The following RCBTB1 variants were observed in gnomAD, a reference collection of about 807,000 sequenced individuals.
RCBTB1 encodes the protein RCC1 and BTB domain containing protein 1.
A neutral mutation model predicts 62.4 loss-of-function variants in RCBTB1; 46 were observed. The observed-to-expected ratio is 0.74, with a 90% confidence interval of 0.58 to 0.94. The LOEUF is 0.94. Among genes scored for constraint, RCBTB1 ranks in the 40% least tolerant of loss-of-function variants. The pLI is 0.00. For synonymous variants in RCBTB1, 222 were observed against 245.8 expected (o/e 0.90, Z 0.91); for missense variants, 565 against 654.9 (o/e 0.86, Z 1.50).
intron 2 of RCBTB1, among the ~76,000 whole-genome samples, chr13:49,577,369 A>G (rs762662633): frequency 6.6e-6 from 1 of 152,248 alleles, no homozygotes; most frequent in Non-Finnish European, 1.5e-5. Context: ...AGATTTTAAA[A>G]ACAACAGGAA....
intron 4 of RCBTB1, 140 bp downstream of exon 4, chr13:49,566,478 C>T: frequency 1.3e-6 from 1 of 788,630 alleles, no homozygotes; most frequent in Non-Finnish European, 1.9e-6. Flanking sequence ...TAACTTTCAC[C>T]TGCTTTATGT....
At chr13:49,566,508 G>A in intron 4 of RCBTB1, 110 bp downstream of exon 4, 1 of 1,065,070 alleles carries the variant, frequency 9.4e-7, no homozygotes, top group Non-Finnish European at 1.3e-6. Flanking sequence ...CAGAAATTAA[G>A]AAGCAAACAA....
chr13:49,539,533 G>A (rs894087573), intron 12 of RCBTB1: 4 of 152,192 alleles, frequency 2.6e-5, no homozygotes, highest in African/African-American at 7.2e-5. Flanking sequence ...CTGATCCTGA[G>A]TATGGAACTC....
At chr13:49,575,434 CA>C (rs34972735) in intron 2 of RCBTB1, among the ~76,000 whole-genome samples, 14,737 of 141,176 alleles carry the variant, frequency 0.1, 860 homozygotes, top group African/African-American at 0.18. Context: ...ATTGTTCTAC[CA>C]AAAAAAAAAA....
intron 5 of RCBTB1, among the ~76,000 whole-genome samples, chr13:49,557,862 G>C (rs1962069595): frequency 6.6e-6 from 1 of 152,106 alleles, no homozygotes; most frequent in African/African-American, 2.4e-5. Flanking sequence ...CTCCCACAAG[G>C]TTTTTAGCTA....
intron 5 of RCBTB1, among the ~76,000 whole-genome samples, chr13:49,557,976 T>A (rs1962078498): frequency 6.6e-6 from 1 of 152,138 alleles, no homozygotes; most frequent in Non-Finnish European, 1.5e-5. Context: ...CAAACATCCA[T>A]GAACAGATGA....
intron 2 of RCBTB1, among the ~76,000 whole-genome samples, chr13:49,579,751 A>T (rs1413055972): frequency 6.6e-6 from 1 of 152,202 alleles, no homozygotes; most frequent in Non-Finnish European, 1.5e-5. Flanking sequence ...TGTACAGGTG[A>T]GTGAAGATAA....
chr13:49,577,894 T>A (rs1963878006), intron 2 of RCBTB1, among the ~76,000 whole-genome samples: 1 of 152,234 alleles, frequency 6.6e-6, no homozygotes, highest in Non-Finnish European at 1.5e-5. Flanking sequence ...ATTAAAGCAT[T>A]TACACATACA....
chr13:49,546,241 T>C (rs755368102), intron 9 of RCBTB1: 8 of 985,334 alleles, frequency 8.1e-6, no homozygotes, highest in Non-Finnish European at 8.4e-6. Context: ...ACAAGTATAG[T>C]ACATCCTTTC....
chr13:49,538,931 G>A, intron 12 of RCBTB1, among the ~76,000 whole-genome samples: 1 of 150,170 alleles, frequency 6.7e-6, no homozygotes, highest in African/African-American at 2.5e-5. Context: ...TGTTGCCCAG[G>A]CTGGAGTGCA....
chr13:49,568,128 G>T (rs1196180202), intron 2 of RCBTB1, among the ~76,000 whole-genome samples: 2 of 152,188 alleles, frequency 1.3e-5, no homozygotes, highest in Non-Finnish European at 2.9e-5. Context: ...ATGCATAGGT[G>T]TATGTGTATC....
At chr13:49,560,143 T>C (rs1236007887) in intron 4 of RCBTB1, 59 bp from the exon 5 acceptor site, 5 of 1,573,602 alleles carry the variant, frequency 3.2e-6, no homozygotes, top group African/African-American at 1.4e-5. Context: ...CCCTGTACTT[T>C]CTTCCCCAGA....
At chr13:49,578,193 C>A (rs1329649011) in intron 2 of RCBTB1, among the ~76,000 whole-genome samples, 1 of 152,170 alleles carries the variant, frequency 6.6e-6, no homozygotes, top group East Asian at 1.9e-4. Flanking sequence ...TTGCACATAA[C>A]CTACACACAT....
intron 2 of RCBTB1, among the ~76,000 whole-genome samples, chr13:49,569,940 A>G (rs1024936627): frequency 5.3e-5 from 8 of 152,090 alleles, no homozygotes; most frequent in Admixed American, 3.3e-4. Context: ...AAAAGGAACA[A>G]GATGCCCCTC....
chr13:49,550,180 T>C (rs1566229488), intron 8 of RCBTB1, among the ~76,000 whole-genome samples: 1 of 152,060 alleles, frequency 6.6e-6, no homozygotes, highest in African/African-American at 2.4e-5. Flanking sequence ...AGTCTCGCTA[T>C]ATTGCCAGGG....
chr13:49,543,263 CA>C (rs1226422584), intron 10 of RCBTB1, among the ~76,000 whole-genome samples: 1 of 140,072 alleles, frequency 7.1e-6, no homozygotes. Flanking sequence ...GTCTCTGTCT[CA>C]AAAAAAAAAG....
chr13:49,538,256 G>A (rs1960078911), intron 12 of RCBTB1, among the ~76,000 whole-genome samples: 1 of 152,158 alleles, frequency 6.6e-6, no homozygotes, highest in Admixed American at 6.5e-5. Context: ...AGCATCCTGA[G>A]TAGCTAGAAT....
intron 2 of RCBTB1, among the ~76,000 whole-genome samples, chr13:49,567,842 A>T (rs1963131205): frequency 6.6e-6 from 1 of 152,210 alleles, no homozygotes; most frequent in Non-Finnish European, 1.5e-5. Flanking sequence ...CAGGCTATTC[A>T]TTGTCACTGC....
chr13:49,537,785 G>T (rs1201815296), intron 12 of RCBTB1: 1 of 152,204 alleles, frequency 6.6e-6, no homozygotes, highest in African/African-American at 2.4e-5. Flanking sequence ...GTATCTGGGT[G>T]CTCCTTTGTG....
Sources: gnomAD v4.1 joint callset for allele counts (sites outside exome capture counted in the v4.1 genomes callset) on GRCh38, gnomAD v4.1.1 for gene constraint, MANE v1.5 for transcripts, NCBI Gene and HGNC (gene_info 2026-07-23, HGNC 2026-07-21) for gene names.